Variants in FSTL5 observed in about 807,000 individuals in gnomAD.
FSTL5 encodes the protein follistatin-related protein 5.
A neutral mutation model predicts 89.1 loss-of-function variants in FSTL5; 62 were observed. The observed-to-expected ratio is 0.70, with a 90% CI of 0.57 to 0.86. The LOEUF is 0.86. FSTL5 is among the 40% of genes least tolerant of loss of function. The pLI is 0.00. For synonymous variants in FSTL5, 383 were observed against 346.2 expected, an observed-to-expected ratio of 1.11 and a Z score of -1.18; for missense variants, 1,057 against 1,001.6, an observed-to-expected ratio of 1.06 and a Z score of -0.75.
chr4:161,735,838 G>A (rs567576664), intron 6 of FSTL5, among the ~76,000 whole-genome samples: 2 of 152,030 alleles, frequency 1.3e-5, no homozygotes, highest in South Asian at 4.2e-4. Flanking sequence ...AATATATGTT[G>A]ATTCTTATAA....
chr4:161,557,072 T>G (rs1178340453), intron 8 of FSTL5, among the ~76,000 whole-genome samples: 2 of 151,420 alleles, frequency 1.3e-5, no homozygotes, highest in Non-Finnish European at 3.0e-5. Context: ...ATTAATTTGA[T>G]AAAGTCGTGT....
chr4:161,977,485 C>A (rs1735682177), intron 3 of FSTL5, among the ~76,000 whole-genome samples: 2 of 150,790 alleles, frequency 1.3e-5, no homozygotes, highest in Non-Finnish European at 3.0e-5. Context: ...TGGTGGCGGG[C>A]ACCTGTAGTC....
chr4:162,141,212 G>A (rs1412928611), intron 1 of FSTL5, among the ~76,000 whole-genome samples: 1 of 79,752 alleles, frequency 1.3e-5, no homozygotes, highest in Non-Finnish European at 2.6e-5. Flanking sequence ...CGCCTCCCGG[G>A]TTCACGCCAT....
intron 2 of FSTL5, among the ~76,000 whole-genome samples, chr4:162,086,568 C>T (rs1483741507): frequency 6.6e-6 from 1 of 151,680 alleles, no homozygotes; most frequent in Non-Finnish European, 1.5e-5. Flanking sequence ...AAAATTGATG[C>T]CATCTAAAAT....
intron 2 of FSTL5, among the ~76,000 whole-genome samples, chr4:162,048,245 T>G (rs1236761378): frequency 6.6e-6 from 1 of 152,034 alleles, no homozygotes; most frequent in East Asian, 1.9e-4. Context: ...GAGAATTGCT[T>G]GAACCTGGGA....
chr4:161,552,495 C>T (rs1732250698), intron 8 of FSTL5: 1 of 151,672 alleles, frequency 6.6e-6, no homozygotes, highest in African/African-American at 2.4e-5. Flanking sequence ...TACATGGTCA[C>T]TGATACTCCC....
At chr4:162,039,669 C>A (rs1455380176) in intron 2 of FSTL5, among the ~76,000 whole-genome samples, 3 of 151,860 alleles carry the variant, frequency 2.0e-5, no homozygotes, top group Non-Finnish European at 4.4e-5. Flanking sequence ...TGGCTAAATG[C>A]TGAAAATAAG....
At chr4:161,485,736 G>A (rs887913286) in intron 12 of FSTL5, among the ~76,000 whole-genome samples, 1 of 151,948 alleles carries the variant, frequency 6.6e-6, no homozygotes, top group Non-Finnish European at 1.5e-5. Context: ...AACATATATT[G>A]AACATAAGTA....
rs34372995 is a variant in FSTL5, at chr4:161,585,587, T to TAAAAAAA, written c.1015+1861_1015+1867dup. ...ATTGGAGACATTCTCTCCCTAATGC[T>TAAAAAAA]AAAAAAAAAAAAAAAAAAAGGCAGG... On this transcript the variant is annotated intron_variant, in intron 8 of 15. Coordinates refer to ENST00000306100, the MANE Select transcript of FSTL5 (RefSeq NM_020116.5). 1.9e-5 allele frequency among the ~76,000 whole-genome samples: 2 copies of TAAAAAAA among 102,716 alleles called. 1 individual carries two copies. The highest frequency in any genetic ancestry group is 7.0e-5 in the African/African-American group (2 of 28,496). 67.4% of individuals were successfully genotyped at this position (102,716 alleles called of 152,430 possible). A position where few individuals can be genotyped will look rare whatever the true frequency, so the allele number is the denominator to read the frequency against.
At chr4:162,026,245 T>C (rs1245252257) in intron 3 of FSTL5, among the ~76,000 whole-genome samples, 2 of 150,878 alleles carry the variant, frequency 1.3e-5, no homozygotes, top group Non-Finnish European at 1.5e-5. Flanking sequence ...TGGTTATTAT[T>C]ACTTGATATT....
At chr4:161,996,995 T>G (rs1363125105) in intron 3 of FSTL5, among the ~76,000 whole-genome samples, 1 of 152,222 alleles carries the variant, frequency 6.6e-6, no homozygotes, top group Admixed American at 6.5e-5. Context: ...CCAATGAAAT[T>G]TATGTGAATA....
At chr4:161,459,948 T>C (rs1205126630) in intron 13 of FSTL5, among the ~76,000 whole-genome samples, 3 of 151,202 alleles carry the variant, frequency 2.0e-5, no homozygotes, top group Admixed American at 2.0e-4. Flanking sequence ...ATATTTATAA[T>C]AATATGTATA....
chr4:161,768,390 G>A (rs1448359813), intron 5 of FSTL5, among the ~76,000 whole-genome samples: 1 of 151,978 alleles, frequency 6.6e-6, no homozygotes, highest in African/African-American at 2.4e-5. Flanking sequence ...TTTAGGAGGA[G>A]GATCTAAAAT....
intron 6 of FSTL5, among the ~76,000 whole-genome samples, chr4:161,720,573 T>C (rs942177830): frequency 9.2e-5 from 14 of 152,216 alleles, no homozygotes; most frequent in African/African-American, 2.2e-4. Context: ...ATGTTCATTA[T>C]GGTATTATTC....
At chr4:161,864,156 C>T (rs1484183379) in intron 4 of FSTL5, among the ~76,000 whole-genome samples, 1 of 152,094 alleles carries the variant, frequency 6.6e-6, no homozygotes, top group Non-Finnish European at 1.5e-5. Context: ...TTTGTAACCC[C>T]AGGACTTATA....
At chr4:161,811,824 T>C (rs1313384871) in intron 4 of FSTL5, among the ~76,000 whole-genome samples, 1 of 152,154 alleles carries the variant, frequency 6.6e-6, no homozygotes, top group Non-Finnish European at 1.5e-5. Flanking sequence ...GTCTTAGGAA[T>C]TAAATATAAA....
At chr4:161,758,263 A>G (rs1361599923) in intron 6 of FSTL5, among the ~76,000 whole-genome samples, 1 of 152,168 alleles carries the variant, frequency 6.6e-6, no homozygotes, top group Non-Finnish European at 1.5e-5. Context: ...ATAAATGGCT[A>G]AAAGTCAGGG....
chr4:162,124,769 A>C (rs991548326), intron 1 of FSTL5, among the ~76,000 whole-genome samples: 1 of 151,984 alleles, frequency 6.6e-6, no homozygotes, highest in Admixed American at 6.6e-5. Flanking sequence ...GTGCGATCTC[A>C]GCTCACTGCA....
chr4:161,550,985 G>A (rs1732190421), intron 8 of FSTL5, among the ~76,000 whole-genome samples: 1 of 126,488 alleles, frequency 7.9e-6, no homozygotes, highest in Non-Finnish European at 1.9e-5. Flanking sequence ...GTCTATCATT[G>A]TTGGACATTT....
Sources: allele counts gnomAD v4.1 joint callset (sites outside exome capture counted in the v4.1 genomes callset), GRCh38; gene constraint gnomAD v4.1.1; transcripts MANE v1.5; gene names NCBI Gene and HGNC (gene_info 2026-07-23, HGNC 2026-07-21).